CLUL1: variants seen among roughly 807,000 people sequenced by gnomAD.
CLUL1 encodes clusterin like 1.
Under a neutral mutation model 49.4 loss-of-function variants are expected in CLUL1, and 43 were observed. The observed-to-expected ratio is 0.87, with a 90% CI of 0.68 to 1.12. The LOEUF is 1.12. CLUL1 is among the 50% of genes most tolerant of loss of function. The pLI is 0.00. For missense variants in CLUL1, 486 were observed against 544.4 expected, an observed-to-expected ratio of 0.89 and a Z score of 1.07; for synonymous variants, 192 against 184.9, an observed-to-expected ratio of 1.04 and a Z score of -0.31.
rs1439446596 is a variant in CLUL1, at chr18:601,001, T to C, written c.-136+3872T>C. Among the ~76,000 whole-genome samples, 3 of 152,208 alleles carry C rather than the reference T, an allele frequency of 2.0e-5. No homozygotes were observed. In the East Asian group the frequency reaches 5.8e-4, roughly 29 times the overall value. ...ACAGTCCCAGGCAAACTGGGACGGT[T>C]GATCACCCTACCCAATGGCCTCATC... On this transcript the variant is annotated intron_variant, in intron 1 of 9. Coordinates refer to ENST00000692774, the MANE Select transcript of CLUL1 (RefSeq NM_001393344.1).
At chr18:610,758 T>C (rs867818824) in intron 2 of CLUL1, among the ~76,000 whole-genome samples, 11 of 152,174 alleles carry the variant, frequency 7.2e-5, no homozygotes, top group South Asian at 2.1e-4. Context: ...AATCCAAGGC[T>C]GGGGGAGGTG....
intron 1 of CLUL1, among the ~76,000 whole-genome samples, chr18:599,364 A>G (rs1401391685): frequency 6.6e-6 from 1 of 152,172 alleles, no homozygotes; most frequent in African/African-American, 2.4e-5. Flanking sequence ...GATTGGTAAT[A>G]CTCATATCAT....
chr18:633,471 A>G (rs1474438568), intron 7 of CLUL1, 36 bp downstream of exon 7: 1 of 1,571,114 alleles, frequency 6.4e-7, no homozygotes, highest in South Asian at 1.1e-5. Context: ...ATTCTACTTT[A>G]AGTTCTCAGG....
intron 8 of CLUL1, among the ~76,000 whole-genome samples, chr18:643,065 C>G (rs1014062004): frequency 3.9e-5 from 6 of 152,000 alleles, no homozygotes; most frequent in African/African-American, 1.5e-4. Context: ...GTGGATCATG[C>G]CTGATTTGAG....
intron 2 of CLUL1, among the ~76,000 whole-genome samples, 187 bp downstream of exon 2, chr18:607,286 G>A (rs116200559): frequency 2.2e-4 from 34 of 152,054 alleles, no homozygotes; most frequent in African/African-American, 7.7e-4. Flanking sequence ...CACCACCTAC[G>A]TCCGGCTAAT....
chr18:610,989 T>G (rs762754175), intron 2 of CLUL1, among the ~76,000 whole-genome samples: 3 of 152,140 alleles, frequency 2.0e-5, no homozygotes, highest in Non-Finnish European at 4.4e-5. Flanking sequence ...TGCCTGGAAT[T>G]CTGAGGCTCC....
At chr18:645,810 A>AAAAAAAAT (rs1451607900) in intron 9 of CLUL1, among the ~76,000 whole-genome samples, 12 of 29,862 alleles carry the variant, frequency 4.0e-4, no homozygotes, top group Non-Finnish European at 5.8e-4. Context: ...AAAAAAAAAA[A>AAAAAAAAT]ATATATATAT....
At chr18:610,160 G>A (rs935634089) in intron 2 of CLUL1, among the ~76,000 whole-genome samples, 4 of 152,142 alleles carry the variant, frequency 2.6e-5, no homozygotes, top group African/African-American at 9.7e-5. Flanking sequence ...ATTTGCCAGG[G>A]TCATAATAAT....
At position 633,862 on chromosome 18, in the gene CLUL1, A is replaced by G. The variant is rs149476164; in HGVS notation, c.994+427A>G. On this transcript the variant is annotated intron_variant, in intron 7 of 9. Coordinates refer to ENST00000692774, the MANE Select transcript of CLUL1 (RefSeq NM_001393344.1). Reference sequence around the variant, plus strand: ...AGGGCGGAGCGTGTAATCGGAATGAATCAGGGTGGAGCGTGTAATCGAAAA... The same window carrying G: ...AGGGCGGAGCGTGTAATCGGAATGAGTCAGGGTGGAGCGTGTAATCGAAAA... 7.8e-3 allele frequency among the ~76,000 whole-genome samples: 341 copies of G among 43,940 alleles called. 1 individual carries two copies. Among genetic ancestry groups the G allele is most frequent in the African/African-American group, 0.037 (332 of 9,012 alleles). 28.8% of individuals were successfully genotyped at this position (43,940 alleles called of 152,430 possible).
chr18:646,603 G>A (rs137980327), intron 9 of CLUL1, among the ~76,000 whole-genome samples: 5 of 151,688 alleles, frequency 3.3e-5, no homozygotes, highest in Non-Finnish European at 7.4e-5. Context: ...GGGGAGGGTC[G>A]TTCACATTCT....
rs68150473 is a variant in CLUL1, at chr18:636,624, C to CTTTTTTT, written c.994+3202_994+3208dup. Among the ~76,000 whole-genome samples, 23 of 122,066 alleles carry CTTTTTTT rather than the reference C, an allele frequency of 1.9e-4. 2 individuals carry two copies. The highest frequency in any genetic ancestry group is 2.8e-4 in the Non-Finnish European group (17 of 60,222). 80.1% of individuals were successfully genotyped at this position (122,066 alleles called of 152,430 possible). On this transcript the variant is annotated intron_variant, in intron 7 of 9. Coordinates refer to ENST00000692774, the MANE Select transcript of CLUL1 (RefSeq NM_001393344.1). ...AGAGTCGACAACACTCCCTTTCTCTCTTTTTTTTTTTTTTTTTTTGTGCCA... is the reference window on the plus strand; with the variant it reads ...AGAGTCGACAACACTCCCTTTCTCTCTTTTTTTTTTTTTTTTTTTTTTTTTTGTGCCA...
At position 618,309 on chromosome 18, in the gene CLUL1, C is replaced by T. The variant is rs2073370391; in HGVS notation, c.106+203C>T. 6.6e-6 allele frequency among the ~76,000 whole-genome samples: 1 copy of T among 152,174 alleles called. No homozygotes were observed. Among genetic ancestry groups the T allele is most frequent in the Non-Finnish European group, 1.5e-5 (1 of 68,030 alleles). ...CAATCACGTCTCTGCAGGCGTTCAC[C>T]TTTCCAGATGTTTGTATCATGTAGA... On this transcript the variant is annotated intron_variant, in intron 3 of 9. Transcript: ENST00000692774. This position sits in a 1 kb window ranked among gnomAD's most constrained non-coding sequence, Gnocchi z 4.2.
intron 1 of CLUL1, chr18:598,611 T>C (rs2072727424): frequency 2.5e-6 from 1 of 398,470 alleles, no homozygotes; most frequent in African/African-American, 2.1e-5. Flanking sequence ...CACCCTGGGG[T>C]TTGTGTCACA....
intron 1 of CLUL1, among the ~76,000 whole-genome samples, chr18:604,460 C>A (rs2072914050): frequency 6.6e-6 from 1 of 152,166 alleles, no homozygotes; most frequent in Admixed American, 6.5e-5. Context: ...TGAAGAGTGG[C>A]ATAAGTAGTA....
intron 8 of CLUL1, 79 bp from the exon 9 acceptor site, chr18:644,831 T>C: frequency 8.9e-7 from 1 of 1,122,560 alleles, no homozygotes; most frequent in Non-Finnish European, 1.3e-6. Context: ...CAGCCTATCC[T>C]GACTAAGGTG....
intron 2 of CLUL1, among the ~76,000 whole-genome samples, chr18:607,941 G>A (rs2073026233): frequency 6.6e-6 from 1 of 151,700 alleles, no homozygotes; most frequent in Admixed American, 6.6e-5. Flanking sequence ...GATCTAGGGT[G>A]AAAAAAAAGT....
chr18:617,294 A>G (rs951597659), intron 2 of CLUL1, among the ~76,000 whole-genome samples: 1 of 152,124 alleles, frequency 6.6e-6, no homozygotes, highest in Non-Finnish European at 1.5e-5. Context: ...ACTTGAGAAC[A>G]TAGACTTTTG....
At chr18:617,670 G>C (rs1182548127) in intron 2 of CLUL1, among the ~76,000 whole-genome samples, 1 of 151,048 alleles carries the variant, frequency 6.6e-6, no homozygotes, top group Non-Finnish European at 1.5e-5. Context: ...TCTGTGTTTC[G>C]AGATGTTTAC....
chr18:619,881 TG>T (rs749197662), intron 4 of CLUL1, among the ~76,000 whole-genome samples: 1 of 152,088 alleles, frequency 6.6e-6, no homozygotes, highest in Non-Finnish European at 1.5e-5. Flanking sequence ...GGCTAATTTT[TG>T]TATTTTTAGA....
Sources: allele counts gnomAD v4.1 joint callset (sites outside exome capture counted in the v4.1 genomes callset), GRCh38; gene constraint gnomAD v4.1.1; non-coding constraint Gnocchi (gnomAD v3.1); transcripts MANE v1.5; gene names NCBI Gene and HGNC (gene_info 2026-07-23, HGNC 2026-07-21).